The following ITGB5 variants were observed in gnomAD, a reference collection of about 807,000 sequenced individuals.
ITGB5 encodes the protein integrin subunit beta 5.
ITGB5 carries 38 observed loss-of-function variants against 84.8 expected under a neutral mutation model. That is an observed-to-expected ratio of 0.45 (90% CI 0.35 to 0.59). The LOEUF (loss-of-function observed/expected upper bound fraction) is 0.59. Ranked by LOEUF, ITGB5 falls within the 20% of genes least tolerant of loss-of-function variation. The pLI is 0.01. For synonymous variants in ITGB5, 393 were observed against 414.4 expected, an observed-to-expected ratio of 0.95 and a Z score of 0.63; for missense variants, 905 against 1,034.5, an observed-to-expected ratio of 0.87 and a Z score of 1.72.
chr3:124,846,656 G>A (rs940655364), intron 4 of ITGB5, among the ~76,000 whole-genome samples: 5 of 152,106 alleles, frequency 3.3e-5, no homozygotes, highest in African/African-American at 9.7e-5. Flanking sequence ...AACGCAGGCC[G>A]GATGCAGTGG....
At chr3:124,765,758 T>C (rs539676840) in intron 13 of ITGB5, among the ~76,000 whole-genome samples, 2 of 152,152 alleles carry the variant, frequency 1.3e-5, no homozygotes, top group East Asian at 1.9e-4. Flanking sequence ...GATCTGGTCT[T>C]CATGAGAAAT....
At chr3:124,810,909 T>C (rs74735066) in intron 8 of ITGB5, among the ~76,000 whole-genome samples, 36 of 106,412 alleles carry the variant, frequency 3.4e-4, no homozygotes, top group African/African-American at 1.0e-3. Flanking sequence ...TCTTGTGGGT[T>C]TTCTTTCTTT....
intron 3 of ITGB5, among the ~76,000 whole-genome samples, chr3:124,856,075 G>A (rs907073093): frequency 2.6e-5 from 4 of 151,862 alleles, no homozygotes; most frequent in African/African-American, 7.3e-5. Flanking sequence ...CCATAGCAAC[G>A]GGGTCTCACT....
intron 10 of ITGB5, among the ~76,000 whole-genome samples, chr3:124,795,940 ATG>A (rs1477673008): frequency 2.0e-5 from 3 of 152,226 alleles, no homozygotes; most frequent in Non-Finnish European, 4.4e-5. Context: ...AATGGATTAA[ATG>A]TGTATTATTT....
At position 124,809,057 on chromosome 3, in the gene ITGB5, G is replaced by A. The variant is rs202055247; in HGVS notation, c.1228C>T (p.Gln410Ter). The change falls in exon 9 of 15, where the codon CAG (glutamine) becomes TAG (stop). Residue 410 changes from glutamine (Q) to a stop codon, truncating the protein, a stop_gained. Coordinates refer to ENST00000296181, the MANE Select transcript of ITGB5 (RefSeq NM_002213.5). LOFTEE classifies it high-confidence loss of function. Reference sequence around the variant, plus strand: ...ATCTTCAGACCCTCACACTTCCTCTGACCAGGATAGGATACCCCATCTTGG... The same window carrying A: ...ATCTTCAGACCCTCACACTTCCTCTAACCAGGATAGGATACCCCATCTTGG... ...TCQDGVSYPG[Q>*]RKCEGLKIGD... is the part of the protein sequence containing the mutation. 1 of 1,614,118 alleles carries A rather than the reference G, an allele frequency of 6.2e-7. No homozygotes were observed. Among genetic ancestry groups the A allele is most frequent in the Non-Finnish European group, 8.5e-7 (1 of 1,180,000 alleles).
rs1289146551 is a variant in ITGB5, at chr3:124,773,976, GGT to G, written c.1694-66_1694-65del. On this transcript the variant is annotated intron_variant, in intron 10 of 14. Transcript: ENST00000296181. ...TTTACACATGAGCACATAACCATCT[GGT>G]GCCCCACATGCCAGGACTGGGATTC... 3.5e-6 allele frequency: 5 copies of G among 1,431,100 alleles called. No individual in the cohort carries two copies. The East Asian group carries it at 1.2e-4, about 33-fold the overall frequency. 88.7% of individuals were successfully genotyped at this position (1,431,100 alleles called of 1,614,324 possible).
intron 10 of ITGB5, among the ~76,000 whole-genome samples, chr3:124,783,461 C>T (rs1201677447): frequency 6.6e-5 from 10 of 152,132 alleles, no homozygotes; most frequent in East Asian, 1.9e-4. Flanking sequence ...CAAACCCACA[C>T]GCAATCAAAG....
At chr3:124,876,368 A>C (rs1934314746) in intron 1 of ITGB5, among the ~76,000 whole-genome samples, 1 of 150,912 alleles carries the variant, frequency 6.6e-6, no homozygotes, top group Non-Finnish European at 1.5e-5. Flanking sequence ...TAAAAAAAAA[A>C]CAAACCAGTA....
At chr3:124,879,097 A>G (rs1934460306) in intron 1 of ITGB5, among the ~76,000 whole-genome samples, 1 of 152,194 alleles carries the variant, frequency 6.6e-6, no homozygotes, top group African/African-American at 2.4e-5. Context: ...CATCCGGTTG[A>G]TCACTCCTTT....
At chr3:124,896,842 C>T (rs1410623856) in intron 1 of ITGB5, among the ~76,000 whole-genome samples, 1 of 150,958 alleles carries the variant, frequency 6.6e-6, no homozygotes, top group Non-Finnish European at 1.5e-5. Flanking sequence ...GAGAGGATCA[C>T]CTGAGCCCAG....
chr3:124,836,118 C>T (rs1386928637), intron 5 of ITGB5, among the ~76,000 whole-genome samples: 2 of 152,018 alleles, frequency 1.3e-5, no homozygotes, highest in East Asian at 3.9e-4. Flanking sequence ...AGTCAACTGG[C>T]TTCCATGGAG....
intron 5 of ITGB5, among the ~76,000 whole-genome samples, chr3:124,838,656 C>T (rs2064970399): frequency 6.6e-6 from 1 of 151,956 alleles, no homozygotes; most frequent in East Asian, 1.9e-4. Context: ...GGCTGGAGTG[C>T]AGTGGCATGA....
At chr3:124,897,677 T>A (rs916877317) in intron 1 of ITGB5, among the ~76,000 whole-genome samples, 1 of 152,174 alleles carries the variant, frequency 6.6e-6, no homozygotes, top group South Asian at 2.1e-4. Context: ...AATTTTTTTT[T>A]AAATGTTTGT....
At chr3:124,835,756 G>A (rs897757841) in intron 5 of ITGB5, among the ~76,000 whole-genome samples, 1 of 152,206 alleles carries the variant, frequency 6.6e-6, no homozygotes, top group African/African-American at 2.4e-5. Flanking sequence ...CAAGTCTGAG[G>A]TCTAAAAGAA....
chr3:124,859,056 C>G (rs1191106059), intron 3 of ITGB5, among the ~76,000 whole-genome samples, 186 bp downstream of exon 3: 1 of 152,192 alleles, frequency 6.6e-6, no homozygotes, highest in Non-Finnish European at 1.5e-5. Context: ...TCCACAGGAG[C>G]CTGTCCACAG....
chr3:124,869,224 T>C (rs567709764), intron 2 of ITGB5, among the ~76,000 whole-genome samples: 5 of 152,210 alleles, frequency 3.3e-5, no homozygotes, highest in Non-Finnish European at 7.4e-5. Flanking sequence ...CTGGGATATA[T>C]GGTTAAGAAG....
At position 124,797,312 on chromosome 3, in the gene ITGB5, G is replaced by A. The variant is rs1362259944; in HGVS notation, c.1264-495C>T. 2.0e-5 allele frequency among the ~76,000 whole-genome samples: 3 copies of A among 152,304 alleles called. No homozygotes were observed. In the South Asian group the frequency reaches 6.2e-4, roughly 32 times the overall value. Reference sequence around the variant, plus strand: ...CGGGTGAAGGGCACCCACCTGGCCCGCCATAGAGAGGGCTCTGTGCCTGCT... The same window carrying A: ...CGGGTGAAGGGCACCCACCTGGCCCACCATAGAGAGGGCTCTGTGCCTGCT... On this transcript the variant is annotated intron_variant, in intron 9 of 14. Coordinates refer to ENST00000296181, the MANE Select transcript of ITGB5 (RefSeq NM_002213.5).
In ITGB5 at chr3:124,848,407, G is replaced by A. The variant is rs1559966941; in HGVS notation, c.513C>T (p.Leu171=). The A allele has an allele frequency of 1.9e-6, 3 of 1,614,180 alleles. No homozygotes were observed. Among genetic ancestry groups the A allele is most frequent in the Non-Finnish European group, 2.5e-6 (3 of 1,180,036 alleles). ...GTKLAEEMRK[L]TSNFRLGFGS... Reference sequence around the variant, plus strand: ...CAAATCCCAACCGGAAGTTGCTGGTGAGCTTCCTCATCTCCTCCGCGAGTT... The same window carrying A: ...CAAATCCCAACCGGAAGTTGCTGGTAAGCTTCCTCATCTCCTCCGCGAGTT... Residue 171 remains leucine, a synonymous_variant, in exon 4 of 15, where the codon CTC becomes CTT. Coordinates refer to ENST00000296181, the MANE Select transcript of ITGB5 (RefSeq NM_002213.5).
chr3:124,767,324 T>C (rs1053487635), intron 12 of ITGB5, among the ~76,000 whole-genome samples: 16 of 152,216 alleles, frequency 1.1e-4, no homozygotes, highest in Admixed American at 4.6e-4. Context: ...CACGAAAGCC[T>C]GGACTTTCTG....
Sources: gnomAD v4.1 joint callset for allele counts (sites outside exome capture counted in the v4.1 genomes callset) on GRCh38, gnomAD v4.1.1 for gene constraint, MANE v1.5 for transcripts, NCBI Gene and HGNC (gene_info 2026-07-23, HGNC 2026-07-21) for gene names.